DCC: variants seen among roughly 807,000 people sequenced by gnomAD.
DCC encodes DCC netrin 1 receptor, also known as netrin receptor DCC.
DCC carries 58 observed loss-of-function variants against 172.5 expected under a neutral mutation model. The observed-to-expected ratio is 0.34, with a 90% CI of 0.27 to 0.42. DCC has a LOEUF of 0.42. DCC is among the 10% of genes least tolerant of loss of function. The pLI is 1.00. For missense variants in DCC, 1,740 were observed against 1,791.0 expected (o/e 0.97, Z 0.51); for synonymous variants, 709 against 644.5 (o/e 1.10, Z -1.52).
chr18:52,346,839 C>A (rs1349542314), intron 1 of DCC, among the ~76,000 whole-genome samples: 1 of 152,142 alleles, frequency 6.6e-6, no homozygotes, highest in Non-Finnish European at 1.5e-5. Flanking sequence ...TGTCTATGAT[C>A]TACTTCTACT....
intron 21 of DCC, among the ~76,000 whole-genome samples, chr18:53,428,412 T>TA (rs1911239857): frequency 1.8e-5 from 1 of 55,040 alleles, no homozygotes; most frequent in Non-Finnish European, 3.7e-5. Context: ...ATATATTACA[T>TA]ATATAATATA....
chr18:52,849,949 A>G (rs921543099), intron 2 of DCC, among the ~76,000 whole-genome samples: 1 of 152,190 alleles, frequency 6.6e-6, no homozygotes, highest in Admixed American at 6.5e-5. Flanking sequence ...AAAATGCCCC[A>G]GGTCATGAGA....
rs140822743 is a variant in DCC, at chr18:53,504,660, G to A, written c.4111+5150G>A. Among the ~76,000 whole-genome samples, 9 of 152,230 alleles carry A rather than the reference G, an allele frequency of 5.9e-5. No individual in the cohort carries two copies. The East Asian group carries it at 1.5e-3, about 26-fold the overall frequency. On this transcript the variant is annotated intron_variant, in intron 27 of 28. Coordinates refer to ENST00000442544, the MANE Select transcript of DCC (RefSeq NM_005215.4). ...AAGTATCAATAATGTTTGTGACTCTGGAACCTACCTACTTGGTGGCTTAAT... is the reference window on the plus strand; with the variant it reads ...AAGTATCAATAATGTTTGTGACTCTAGAACCTACCTACTTGGTGGCTTAAT...
chr18:52,920,287 GA>G (rs978582444), intron 3 of DCC, among the ~76,000 whole-genome samples: 1 of 151,476 alleles, frequency 6.6e-6, no homozygotes, highest in African/African-American at 2.4e-5. Flanking sequence ...CCCACAGATT[GA>G]AAAAAAATTT....
intron 5 of DCC, among the ~76,000 whole-genome samples, chr18:53,017,322 T>G (rs1040362329): frequency 1.3e-5 from 2 of 152,164 alleles, no homozygotes; most frequent in African/African-American, 2.4e-5. Flanking sequence ...GCGTAACAAC[T>G]TCCAGTAAAA....
chr18:52,355,767 A>G (rs1305161661), intron 1 of DCC, among the ~76,000 whole-genome samples: 1 of 152,136 alleles, frequency 6.6e-6, no homozygotes, highest in Non-Finnish European at 1.5e-5. Context: ...TCACAAGGCA[A>G]TATATTATTG....
intron 1 of DCC, among the ~76,000 whole-genome samples, chr18:52,707,521 CTAAAAG>C (rs1599035275): frequency 6.6e-6 from 1 of 152,120 alleles, no homozygotes; most frequent in South Asian, 2.1e-4. Flanking sequence ...TCTTATATAT[CTAAAAG>C]AAATGAAGTC....
intron 2 of DCC, among the ~76,000 whole-genome samples, chr18:52,765,080 G>C (rs987584803): frequency 4.0e-5 from 6 of 150,542 alleles, no homozygotes; most frequent in African/African-American, 1.5e-4. Flanking sequence ...CCAGGCCGGA[G>C]TGCAGTGATG....
At chr18:52,550,086 T>C (rs2144720693) in intron 1 of DCC, among the ~76,000 whole-genome samples, 1 of 152,200 alleles carries the variant, frequency 6.6e-6, no homozygotes, top group African/African-American at 2.4e-5. Context: ...TGATAGTATG[T>C]ACCCTTTGTA....
intron 1 of DCC, among the ~76,000 whole-genome samples, chr18:52,672,882 C>T (rs1256673926): frequency 3.9e-5 from 6 of 152,074 alleles, no homozygotes; most frequent in Non-Finnish European, 8.8e-5. Context: ...GCCTGGGCAA[C>T]ATAGCAAGAT....
intron 1 of DCC, among the ~76,000 whole-genome samples, chr18:52,560,953 A>G (rs957282962): frequency 5.3e-5 from 8 of 152,148 alleles, no homozygotes; most frequent in African/African-American, 1.9e-4. Flanking sequence ...ATTTTTCCTT[A>G]CATTATAATT....
chr18:53,205,637 T>G (rs2055613267), intron 10 of DCC, among the ~76,000 whole-genome samples: 1 of 152,148 alleles, frequency 6.6e-6, no homozygotes, highest in South Asian at 2.1e-4. Flanking sequence ...TGGCCTGGCG[T>G]GTGTGGGCAA....
chr18:53,147,213 A>G (rs778713015), intron 7 of DCC, among the ~76,000 whole-genome samples: 8 of 152,200 alleles, frequency 5.3e-5, no homozygotes, highest in Non-Finnish European at 1.0e-4. Flanking sequence ...AAAGAAAAAG[A>G]ATGAGCTACA....
At chr18:52,929,594 G>A (rs1462796171) in intron 5 of DCC, among the ~76,000 whole-genome samples, 4 of 152,080 alleles carry the variant, frequency 2.6e-5, no homozygotes, top group Non-Finnish European at 5.9e-5. Flanking sequence ...TAGACACAGA[G>A]GCAGGTGAAA....
intron 5 of DCC, among the ~76,000 whole-genome samples, chr18:52,965,888 T>C (rs1303369396): frequency 2.6e-5 from 4 of 152,134 alleles, no homozygotes; most frequent in African/African-American, 4.8e-5. Flanking sequence ...CAGTGCAATA[T>C]ACAAACTACC....
chr18:53,089,178 T>C (rs917180533), intron 7 of DCC, among the ~76,000 whole-genome samples: 1 of 152,114 alleles, frequency 6.6e-6, no homozygotes, highest in Non-Finnish European at 1.5e-5. Flanking sequence ...CTCTGCCTCC[T>C]GAGCTCAAGT....
Position 53,174,136 on chromosome 18 carries a change from A to G in DCC, c.1419-4826A>G, listed in dbSNP as rs1448250888. On this transcript the variant is annotated intron_variant, in intron 8 of 28. Transcript: ENST00000442544. Reference sequence around the variant, plus strand: ...AAGATGTTCTTTGAAACCAACGAGAACAAGGACACAACATACCAGAATCTC... The same window carrying G: ...AAGATGTTCTTTGAAACCAACGAGAGCAAGGACACAACATACCAGAATCTC... 2.1e-5 allele frequency among the ~76,000 whole-genome samples: 3 copies of G among 145,564 alleles called. No individual in the cohort carries two copies. In the East Asian group the frequency reaches 6.1e-4, roughly 29 times the overall value.
At chr18:52,887,103 A>G (rs1404617216) in intron 2 of DCC, among the ~76,000 whole-genome samples, 1 of 152,180 alleles carries the variant, frequency 6.6e-6, no homozygotes, top group African/African-American at 2.4e-5. Context: ...GGCATGTTGA[A>G]TGAAAGGCAA....
chr18:53,251,088 C>A (rs1334979883), intron 12 of DCC, among the ~76,000 whole-genome samples: 1 of 151,874 alleles, frequency 6.6e-6, no homozygotes, highest in African/African-American at 2.4e-5. Context: ...ATGGAGACTC[C>A]TTCGTCTCTT....
Sources: gnomAD v4.1 joint callset for allele counts (sites outside exome capture counted in the v4.1 genomes callset) on GRCh38, gnomAD v4.1.1 for gene constraint, MANE v1.5 for transcripts, NCBI Gene and HGNC (gene_info 2026-07-23, HGNC 2026-07-21) for gene names.